Variants in LACTB observed in about 807,000 individuals in gnomAD.
The protein encoded by LACTB is lactamase beta.
Under a neutral mutation model 50.2 loss-of-function variants are expected in LACTB, and 35 were observed. The observed-to-expected ratio is 0.70, with a 90% confidence interval of 0.53 to 0.92. The LOEUF (loss-of-function observed/expected upper bound fraction) is 0.92. Ranked by LOEUF, LACTB falls within the 40% of genes least tolerant of loss-of-function variation. The pLI is 0.00. For synonymous variants in LACTB, 252 were observed against 268.2 expected (o/e 0.94, Z 0.59); for missense variants, 664 against 691.8 (o/e 0.96, Z 0.45).
In LACTB at chr15:63,121,862, C is replaced by T. The variant is rs753188655; in HGVS notation, c.-10C>T. On this transcript the variant is annotated 5_prime_UTR_variant, in exon 1 of 6. Transcript: ENST00000261893. ...GTGAGTTTGGTGGCGGCCGGCTGTG[C>T]AGAGACGCCATGTACCGGCTCATGT... The T allele has an allele frequency of 3.0e-6, 4 of 1,347,470 alleles. No individual in the cohort carries two copies. In the South Asian group the frequency reaches 8.0e-5, roughly 27 times the overall value. The allele number at this position is 1,347,470 out of a possible 1,614,324, so 83.5% of individuals were successfully genotyped here.
chr15:63,122,707 G>A lies in LACTB; in HGVS notation c.424+5G>A. On this transcript the variant is annotated splice_donor_5th_base_variant and intron_variant, in intron 2 of 5. Transcript: ENST00000261893. Reference sequence around the variant, plus strand: ...GAAAAGAAGTCTGGTCAGAAGGTGGGTTCAGAAAATTGTTGTTTTGTTCTG... The same window carrying A: ...GAAAAGAAGTCTGGTCAGAAGGTGGATTCAGAAAATTGTTGTTTTGTTCTG... 1 of 1,607,536 alleles carries A rather than the reference G, an allele frequency of 6.2e-7. No homozygotes were observed. Among genetic ancestry groups the A allele is most frequent in the Non-Finnish European group, 8.5e-7 (1 of 1,173,918 alleles).
chr15:63,133,452 C>T (rs1357180993), intron 5 of LACTB, among the ~76,000 whole-genome samples: 3 of 152,086 alleles, frequency 2.0e-5, no homozygotes, highest in African/African-American at 7.2e-5. Flanking sequence ...GAGACCCCAT[C>T]CCTACAAAAA....
chr15:63,123,687 A>G (rs1321243800), intron 2 of LACTB, among the ~76,000 whole-genome samples: 1 of 152,254 alleles, frequency 6.6e-6, no homozygotes, highest in Non-Finnish European at 1.5e-5. Flanking sequence ...TCACGTGTCC[A>G]CTGGACAGGG....
chr15:63,134,449 C>T (rs1054460488), intron 5 of LACTB, among the ~76,000 whole-genome samples: 1 of 152,146 alleles, frequency 6.6e-6, no homozygotes, highest in African/African-American at 2.4e-5. Flanking sequence ...CATCTTACTG[C>T]TCCTCTCTCC....
At chr15:63,125,055 G>A (rs565309391) in intron 2 of LACTB, among the ~76,000 whole-genome samples, 3 of 151,914 alleles carry the variant, frequency 2.0e-5, no homozygotes, top group Admixed American at 1.3e-4. Context: ...TTGAGGTGGC[G>A]CACGCCTGTA....
In LACTB at chr15:63,127,653, A is replaced by C; in HGVS notation, c.916A>C (p.Arg306=). The C allele has an allele frequency of 1.9e-6, 3 of 1,603,444 alleles. No homozygotes were observed. The highest frequency in any genetic ancestry group is 2.6e-6 in the Non-Finnish European group (3 of 1,173,282). The stretch of plus-strand genomic sequence containing the variant: ...GTTTGAAAATTCAATTGAATCCCTA[A>C]GATTATTTAAAAATGATCCTTTGTT... ...EKFENSIESL[R]LFKNDPLFFK... is the part of the protein sequence containing the mutation. The change falls in exon 4 of 6, where the codon AGA becomes CGA. Residue 306 remains arginine (R), a synonymous_variant. Transcript: ENST00000261893.
Position 63,127,610 on chromosome 15 carries a change from A to G in LACTB, c.873A>G (p.Glu291=), listed in dbSNP as rs138302016. The change falls in exon 4 of 6, where the codon GAA becomes GAG. Residue 291 remains glutamate (E), a synonymous_variant. Coordinates refer to ENST00000261893, the MANE Select transcript of LACTB (RefSeq NM_032857.5). ...GKKKNDFEQG[E]LYLREKFENS... ...AAAAGAATGATTTTGAACAAGGCGA[A>G]TTATATTTGAGAGAAAAGTTTGAAA... 2.6e-5 allele frequency: 42 copies of G among 1,611,824 alleles called. No individual in the cohort carries two copies. In the African/African-American group the frequency reaches 5.3e-4, roughly 20 times the overall value.
At position 63,141,586 on chromosome 15, in the gene LACTB, G is replaced by A. The variant is rs4775629; in HGVS notation, c.1425G>A (p.Ser475=). 0.046 allele frequency: 74,310 copies of A among 1,614,106 alleles called. 3,594 individuals are homozygous for A. The highest frequency in any genetic ancestry group is 0.2 in the East Asian group (8,861 of 44,882). The change falls in exon 6 of 6, where the codon TCG becomes TCA. Residue 475 remains serine, a synonymous_variant. Coordinates refer to ENST00000261893, the MANE Select transcript of LACTB (RefSeq NM_032857.5). The part of the protein sequence containing the change: ...GVVERKQTYG[S]CRKQRHYASH... Reference sequence around the variant, plus strand: ...TGGAAAGGAAACAAACGTATGGTTCGTGTAGAAAGCAACGGCATTATGCTT... The same window carrying A: ...TGGAAAGGAAACAAACGTATGGTTCATGTAGAAAGCAACGGCATTATGCTT...
intron 2 of LACTB, among the ~76,000 whole-genome samples, chr15:63,124,891 T>C (rs1364126625): frequency 6.6e-6 from 1 of 151,710 alleles, no homozygotes; most frequent in Non-Finnish European, 1.5e-5. Flanking sequence ...GAGGCGGAGG[T>C]TTGCAGTGAG....
At chr15:63,122,269 C>A (rs1234342922) in intron 1 of LACTB, 41 bp downstream of exon 1, 3 of 1,473,736 alleles carry the variant, frequency 2.0e-6, no homozygotes, top group African/African-American at 1.4e-5. Flanking sequence ...GCCGGGGATC[C>A]ACCCCTGTCG....
intron 5 of LACTB, 35 bp downstream of exon 5, chr15:63,129,685 C>T (rs761331959): frequency 1.4e-6 from 2 of 1,418,502 alleles, no homozygotes; most frequent in East Asian, 2.6e-5. Context: ...CTAGCTATAT[C>T]GCATCTTAAC....
intron 5 of LACTB, chr15:63,131,314 C>T (rs1289161417): frequency 6.6e-6 from 1 of 152,150 alleles, no homozygotes; most frequent in Non-Finnish European, 1.5e-5. Flanking sequence ...GCTTTCCCTT[C>T]TCTCTTATTT....
intron 1 of LACTB, 194 bp from the exon 2 acceptor site, chr15:63,122,442 C>T: frequency 1.5e-6 from 1 of 682,782 alleles, no homozygotes; most frequent in East Asian, 2.7e-5. Context: ...GGGGACCGCC[C>T]CTTCCCCCTA....
chr15:63,129,600 G>C lies in LACTB; in HGVS notation c.1068G>C (p.Met356Ile). Residue 356 changes from methionine to isoleucine, a missense_variant, in exon 5 of 6, where the codon ATG becomes ATC. Transcript: ENST00000261893. ...YMQKIFHDLD[M>I]LTTVQEENEP... ...AGAAAATATTCCATGACTTGGATAT[G>C]CTGACGACTGTGCAGGAAGAAAACG... 1 of 1,612,568 alleles carries C rather than the reference G, an allele frequency of 6.2e-7. No individual in the cohort carries two copies. Among genetic ancestry groups the C allele is most frequent in the Non-Finnish European group, 8.5e-7 (1 of 1,179,428 alleles).
At chr15:63,122,362 C>A in intron 1 of LACTB, 134 bp downstream of exon 1, 1 of 823,334 alleles carries the variant, frequency 1.2e-6, no homozygotes, top group Non-Finnish European at 1.8e-6. Flanking sequence ...TTCCCATTTC[C>A]CCACCGCCGA....
In LACTB at chr15:63,126,957, G is replaced by C. The variant is rs757284857; in HGVS notation, c.523G>C (p.Ala175Pro). 6.2e-7 allele frequency: 1 copy of C among 1,613,720 alleles called. No homozygotes were observed. Among genetic ancestry groups the C allele is most frequent in the Admixed American group, 1.7e-5 (1 of 59,960 alleles). ...CAAAAGTCTCACCATGGTTGCTCTT[G>C]CCAAATTGTGGGAAGCAGGGAAACT... ...ISKSLTMVAL[A>P]KLWEAGKLDL... is the part of the protein sequence containing the mutation. Residue 175 changes from alanine (A) to proline (P), a missense_variant, in exon 3 of 6, where the codon GCC becomes CCC. Ala to Pro is a conservative substitution (Grantham distance 27). Transcript: ENST00000261893.
At chr15:63,129,729 G>A (rs1041730590) in intron 5 of LACTB, 79 bp downstream of exon 5, 1 of 1,347,262 alleles carries the variant, frequency 7.4e-7, no homozygotes, top group Admixed American at 3.0e-5. Flanking sequence ...AATTTTCTTT[G>A]TTTCCATTCC....
chr15:63,141,427 GT>G lies in LACTB; in HGVS notation c.1269del (p.Phe423LeufsTer20). 2 of 1,614,198 alleles carry G rather than the reference GT, an allele frequency of 1.2e-6. No individual in the cohort carries two copies. Among genetic ancestry groups the G allele is most frequent in the Non-Finnish European group, 1.7e-6 (2 of 1,180,028 alleles). On this transcript the variant is annotated frameshift_variant, in exon 6 of 6. Coordinates refer to ENST00000261893, the MANE Select transcript of LACTB (RefSeq NM_032857.5). LOFTEE classifies it high-confidence loss of function. ...TGCTTTATGGTTACCAAGTTGGGCT[GT>G]TTAAGAACTCAAATGAAAATCTTTT... ...AMLYGYQVGL[F>X]KNSNENLLPG... is the part of the protein sequence containing the mutation.
At chr15:63,122,371 G>A (rs1398081285) in intron 1 of LACTB, 143 bp downstream of exon 1, 21 of 801,316 alleles carry the variant, frequency 2.6e-5, no homozygotes, top group African/African-American at 5.3e-5. Flanking sequence ...CCCCACCGCC[G>A]AGCCGTGGTC....
Sources: allele counts gnomAD v4.1 joint callset (sites outside exome capture counted in the v4.1 genomes callset), GRCh38; gene constraint gnomAD v4.1.1; transcripts MANE v1.5; gene names NCBI Gene and HGNC (gene_info 2026-07-23, HGNC 2026-07-21).